Variants in ZNF451 observed in about 807,000 individuals in gnomAD.
The protein encoded by ZNF451 is E3 SUMO-protein ligase ZNF451.
A neutral mutation model predicts 107.1 loss-of-function variants in ZNF451; 80 were observed. The observed-to-expected ratio is 0.75, with a 90% CI of 0.62 to 0.90. The LOEUF is 0.90. ZNF451 is among the 40% of genes least tolerant of loss of function. The probability of loss-of-function intolerance (pLI) is 0.00; values close to 1 mark genes in which losing one functional copy is unlikely to be tolerated. For synonymous variants in ZNF451, 362 were observed against 406.5 expected (o/e 0.89, Z 1.32); for missense variants, 1,107 against 1,236.2 (o/e 0.90, Z 1.57).
At chr6:57,099,918 A>G (rs577942800) in intron 3 of ZNF451, among the ~76,000 whole-genome samples, 1 of 152,364 alleles carries the variant, frequency 6.6e-6, no homozygotes, top group African/African-American at 2.4e-5. Flanking sequence ...TTTGAGTCCC[A>G]GCTTTACTCT....
intron 5 of ZNF451, among the ~76,000 whole-genome samples, chr6:57,132,385 A>G (rs1415650616): frequency 1.3e-5 from 2 of 152,196 alleles, no homozygotes; most frequent in Non-Finnish European, 2.9e-5. Context: ...AGCTAAATTT[A>G]TAACACAGTT....
At chr6:57,152,426 A>G in intron 12 of ZNF451, 75 bp downstream of exon 12, 1 of 1,535,848 alleles carries the variant, frequency 6.5e-7, no homozygotes, top group Admixed American at 1.7e-5. Flanking sequence ...TTGAATTGTA[A>G]TGAGACTTAT....
At chr6:57,094,584 C>T (rs191196850) in intron 2 of ZNF451, among the ~76,000 whole-genome samples, 7 of 152,204 alleles carry the variant, frequency 4.6e-5, no homozygotes, top group South Asian at 2.1e-4. Flanking sequence ...CAGGACCATA[C>T]GCAGTTATAG....
At chr6:57,131,994 C>A (rs1456267470) in intron 5 of ZNF451, among the ~76,000 whole-genome samples, 1 of 151,692 alleles carries the variant, frequency 6.6e-6, no homozygotes, top group Non-Finnish European at 1.5e-5. Context: ...AGTTGTGTGA[C>A]CTTAAGATCA....
intron 2 of ZNF451, among the ~76,000 whole-genome samples, chr6:57,091,684 A>G (rs1200475764): frequency 1.3e-5 from 2 of 152,180 alleles, no homozygotes; most frequent in African/African-American, 4.8e-5. Context: ...GTAAAGTGGT[A>G]TCTCAGCTCG....
chr6:57,129,140 G>A (rs1831064654), intron 5 of ZNF451, among the ~76,000 whole-genome samples: 1 of 152,060 alleles, frequency 6.6e-6, no homozygotes, highest in Non-Finnish European at 1.5e-5. Context: ...TATGTCCATG[G>A]GAGGTGTGTA....
chr6:57,162,944 CAT>C (rs1311634559), intron 14 of ZNF451, among the ~76,000 whole-genome samples: 3 of 152,090 alleles, frequency 2.0e-5, no homozygotes, highest in African/African-American at 7.2e-5. Context: ...AACTAGTTGT[CAT>C]AGTTAAAATA....
chr6:57,153,246 C>T (rs548933584), intron 12 of ZNF451, among the ~76,000 whole-genome samples: 9 of 152,194 alleles, frequency 5.9e-5, no homozygotes, highest in East Asian at 1.9e-4. Flanking sequence ...TTATATTGAG[C>T]GTATAGCCCT....
At chr6:57,136,607 G>A (rs1001689508) in intron 7 of ZNF451, among the ~76,000 whole-genome samples, 1 of 152,150 alleles carries the variant, frequency 6.6e-6, no homozygotes, top group Non-Finnish European at 1.5e-5. Context: ...AAAGAGAACT[G>A]CATTCCGTAC....
intron 13 of ZNF451, among the ~76,000 whole-genome samples, chr6:57,158,316 T>C (rs143190688): frequency 6.6e-6 from 1 of 151,844 alleles, no homozygotes; most frequent in Admixed American, 6.6e-5. Flanking sequence ...TATAAAGATA[T>C]CAAACAAGTT....
At chr6:57,109,465 T>C in intron 3 of ZNF451, 1 of 985,458 alleles carries the variant, frequency 1.0e-6, no homozygotes, top group Non-Finnish European at 1.2e-6. Flanking sequence ...TGAGGTAATA[T>C]CCGAAAGTAC....
At chr6:57,162,417 TTA>T (rs1378537243) in intron 14 of ZNF451, among the ~76,000 whole-genome samples, 1 of 152,212 alleles carries the variant, frequency 6.6e-6, no homozygotes, top group Non-Finnish European at 1.5e-5. Flanking sequence ...TCTTTCTGCC[TTA>T]TAGCCAAATT....
chr6:57,127,695 T>G (rs967879172), intron 4 of ZNF451, among the ~76,000 whole-genome samples: 3 of 152,198 alleles, frequency 2.0e-5, no homozygotes, highest in African/African-American at 7.2e-5. Flanking sequence ...ATTTGACCTC[T>G]GTGTACCTCA....
At chr6:57,154,968 T>A (rs1763340420) in intron 13 of ZNF451, among the ~76,000 whole-genome samples, 1 of 152,150 alleles carries the variant, frequency 6.6e-6, no homozygotes, top group African/African-American at 2.4e-5. Context: ...CTGTAATCAC[T>A]GATTACAGTG....
At chr6:57,100,543 A>G in intron 3 of ZNF451, 6 of 1,437,442 alleles carry the variant, frequency 4.2e-6, no homozygotes, top group Non-Finnish European at 4.6e-6. Flanking sequence ...CTTGAAAGTT[A>G]ACATATTAAA....
At chr6:57,136,700 T>C (rs1476708796) in intron 7 of ZNF451, among the ~76,000 whole-genome samples, 2 of 152,228 alleles carry the variant, frequency 1.3e-5, no homozygotes, top group Non-Finnish European at 2.9e-5. Context: ...ATTCATATAC[T>C]GAGTGTTTTC....
At chr6:57,094,101 A>G (rs1468326415) in intron 2 of ZNF451, among the ~76,000 whole-genome samples, 1 of 152,210 alleles carries the variant, frequency 6.6e-6, no homozygotes, top group Non-Finnish European at 1.5e-5. Context: ...CTTTCCAATT[A>G]GTAGGAAATT....
At chr6:57,161,221 T>C in intron 14 of ZNF451, 69 bp downstream of exon 14, 1 of 884,462 alleles carries the variant, frequency 1.1e-6, no homozygotes. Flanking sequence ...TTTCTCTGTC[T>C]CTCACCCATT....
At chr6:57,105,752 C>G in intron 3 of ZNF451, 1 of 985,290 alleles carries the variant, frequency 1.0e-6, no homozygotes, top group Non-Finnish European at 1.2e-6. Context: ...GATAACACAA[C>G]TTATATTTGA....
Sources: gnomAD v4.1 joint callset for allele counts (sites outside exome capture counted in the v4.1 genomes callset) on GRCh38, gnomAD v4.1.1 for gene constraint, MANE v1.5 for transcripts, NCBI Gene and HGNC (gene_info 2026-07-23, HGNC 2026-07-21) for gene names.